SPATA33: variants seen among roughly 807,000 people sequenced by gnomAD.
The protein encoded by SPATA33 is spermatogenesis associated 33, also known as spermatogenesis-associated protein 33.
SPATA33 carries 10 observed loss-of-function variants against 8.9 expected under a neutral mutation model. That is an observed-to-expected ratio of 1.12 (90% CI 0.69 to 1.90). The LOEUF (loss-of-function observed/expected upper bound fraction) is 1.90, where lower values mean the gene tolerates loss of function less well. Ranked by LOEUF, SPATA33 falls within the 40% of genes most tolerant of loss-of-function variation. SPATA33 has a pLI of 0.00. For synonymous variants in SPATA33, 96 were observed against 72.8 expected (o/e 1.32, Z -1.63); for missense variants, 241 against 178.3 (o/e 1.35, Z -2.00).
chr16:89,658,142 C>T (rs542772990), intron 1 of SPATA33, 106 bp from the exon 2 acceptor site: 1 of 1,550,824 alleles, frequency 6.4e-7, no homozygotes, highest in Admixed American at 2.0e-5. Flanking sequence ...AGACTCGAGA[C>T]TTGAAGCCAG....
rs1024257632 is a variant in SPATA33 at position 89,660,926 on chromosome 16, G to C, written c.211+2505G>C. The C allele has an allele frequency of 1.3e-5, 13 of 1,029,364 alleles. No homozygotes were observed. The Admixed American group carries it at 2.9e-4, about 23-fold the overall frequency. 63.8% of individuals were successfully genotyped at this position (1,029,364 alleles called of 1,614,324 possible). On this transcript the variant is annotated intron_variant, in intron 2 of 2. Coordinates refer to ENST00000579310, the MANE Select transcript of SPATA33 (RefSeq NM_001271907.2). Reference sequence around the variant, plus strand: ...CTGGAACCTTGAGTCTTCTCAGCTTGGGGCATGCACCTCAGGGGGAGCCAG... The same window carrying C: ...CTGGAACCTTGAGTCTTCTCAGCTTCGGGCATGCACCTCAGGGGGAGCCAG...
At chr16:89,659,381 A>G (rs2151524455) in intron 2 of SPATA33, 1 of 152,506 alleles carries the variant, frequency 6.6e-6, no homozygotes, top group African/African-American at 2.4e-5. Context: ...CATCACAAGA[A>G]TGAACCACTC....
At chr16:89,662,223 A>G (rs1006850845) in intron 2 of SPATA33, among the ~76,000 whole-genome samples, 1 of 151,776 alleles carries the variant, frequency 6.6e-6, no homozygotes, top group Non-Finnish European at 1.5e-5. Context: ...GAACCCAGGA[A>G]GCAGAGGTTG....
chr16:89,665,941 G>T (rs2060019928), intron 2 of SPATA33, among the ~76,000 whole-genome samples: 1 of 152,064 alleles, frequency 6.6e-6, no homozygotes, highest in African/African-American at 2.4e-5. Flanking sequence ...TTAGCTAGGC[G>T]TGGTGATGGG....
chr16:89,660,694 C>A, intron 2 of SPATA33: 2 of 759,524 alleles, frequency 2.6e-6, no homozygotes, highest in Non-Finnish European at 3.6e-6. Context: ...GGCACATTTA[C>A]AGAGAGAAGC....
chr16:89,670,211 CAGTGCTCTGGGGG>C lies in SPATA33; in HGVS notation c.*717_*729del, dbSNP rs2060084730. On this transcript the variant is annotated 3_prime_UTR_variant, in exon 3 of 3. Transcript: ENST00000579310. ...CTTGAGAAACTGCAGCCCCCTTCTC[CAGTGCTCTGGGGG>C]AGGGTGCACCAGGCCTGCCCACCCT... 2.7e-5 allele frequency: 4 copies of C among 150,846 alleles called. No homozygotes were observed. The Admixed American group carries it at 2.7e-4, about 10-fold the overall frequency. The allele number at this position is 150,846 out of a possible 1,614,324, so 9.3% of individuals were successfully genotyped here.
intron 2 of SPATA33, chr16:89,659,841 C>G (rs957258424): frequency 2.6e-5 from 4 of 152,298 alleles, no homozygotes; most frequent in Non-Finnish European, 4.4e-5. Context: ...GGCTCTGGGC[C>G]TTGGACTTGG....
intron 2 of SPATA33, chr16:89,659,822 A>G (rs1191046413): frequency 6.6e-6 from 1 of 152,288 alleles, no homozygotes; most frequent in East Asian, 1.9e-4. Flanking sequence ...TCAAGGGCTG[A>G]AAGTAGGAGG....
At chr16:89,658,133 G>T in intron 1 of SPATA33, 115 bp from the exon 2 acceptor site, 1 of 1,531,928 alleles carries the variant, frequency 6.5e-7, no homozygotes, top group South Asian at 1.3e-5. Flanking sequence ...GAAACGCGGA[G>T]ACTCGAGACT....
intron 2 of SPATA33, among the ~76,000 whole-genome samples, chr16:89,664,459 C>T (rs1306857760): frequency 1.3e-5 from 2 of 152,196 alleles, no homozygotes; most frequent in African/African-American, 4.8e-5. Flanking sequence ...CTGCGATTAG[C>T]TCACTCATCC....
intron 2 of SPATA33, chr16:89,661,054 G>T (rs2059959829): frequency 1.0e-6 from 1 of 987,336 alleles, no homozygotes; most frequent in African/African-American, 1.7e-5. Flanking sequence ...TGCCAAACGT[G>T]TCCTGAACCC....
Position 89,660,820 on chromosome 16 carries a change from T to A in SPATA33, c.211+2399T>A, listed in dbSNP as rs192585951. The A allele has an allele frequency of 3.1e-4, 344 of 1,124,956 alleles. 2 individuals carry two copies. Among genetic ancestry groups the A allele is most frequent in the Middle Eastern group, 6.8e-4 (2 of 2,928 alleles). 69.7% of individuals were successfully genotyped at this position (1,124,956 alleles called of 1,614,324 possible). A position where few individuals can be genotyped will look rare whatever the true frequency, so the allele number is the denominator to read the frequency against. On this transcript the variant is annotated intron_variant, in intron 2 of 2. Transcript: ENST00000579310. ...TCTGAACATGGGAAGCACTGCAGTT[T>A]AGTAGTCCTGGTCCCTAAGCCCTTC...
rs764196545 is a variant in SPATA33, at chr16:89,669,279, C to T, written c.212-7C>T. ...TCTACTAAATGCCTGGATGTTTTTT[C>T]CTCTAGAGAAACCTGATGTAAAGCA... On this transcript the variant is annotated splice_region_variant and splice_polypyrimidine_tract_variant and intron_variant, in intron 2 of 2. Coordinates refer to ENST00000579310, the MANE Select transcript of SPATA33 (RefSeq NM_001271907.2). 8.7e-6 allele frequency: 14 copies of T among 1,613,860 alleles called. No individual in the cohort carries two copies. In the Admixed American group the frequency reaches 1.2e-4, roughly 13 times the overall value.
chr16:89,657,905 C>T lies in SPATA33; in HGVS notation c.-7C>T, dbSNP rs11545432. 2.0e-6 allele frequency: 3 copies of T among 1,517,112 alleles called. No individual in the cohort carries two copies. Among genetic ancestry groups the T allele is most frequent in the East Asian group, 2.6e-5 (1 of 38,120 alleles). 94.0% of individuals were successfully genotyped at this position (1,517,112 alleles called of 1,614,324 possible). On this transcript the variant is annotated 5_prime_UTR_variant, in exon 1 of 3. Transcript: ENST00000579310. ...GGCTTGCGTCGGAGGGGGCGGTGGG[C>T]TCACCCATGGGCCTTTCCAAAAGCA... is the stretch of plus-strand genomic sequence containing the variant.
chr16:89,657,805 G>T (rs142356394), upstream of SPATA33: 548 of 1,489,930 alleles, frequency 3.7e-4, 1 homozygote, highest in Non-Finnish European at 4.7e-4. Flanking sequence ...GGTCGCCATG[G>T]TGACGCACGC....
chr16:89,668,942 ATG>A (rs1386336657), intron 2 of SPATA33, among the ~76,000 whole-genome samples: 1 of 152,158 alleles, frequency 6.6e-6, no homozygotes, highest in African/African-American at 2.4e-5. Flanking sequence ...AGTGGAAATG[ATG>A]TCTCTGAACC....
upstream of SPATA33, chr16:89,657,825 G>C: frequency 3.3e-6 from 5 of 1,512,006 alleles, no homozygotes; most frequent in South Asian, 2.5e-5. Context: ...CCGCTGGCGC[G>C]AGGACCTTTT....
intron 2 of SPATA33, among the ~76,000 whole-genome samples, chr16:89,665,461 C>T (rs964706768): frequency 1.2e-4 from 18 of 150,346 alleles, no homozygotes; most frequent in African/African-American, 4.8e-5. Flanking sequence ...CCTGCCACCA[C>T]GCCTGGCTAA....
intron 2 of SPATA33, among the ~76,000 whole-genome samples, chr16:89,662,799 G>GT (rs1367362604): frequency 1.4e-5 from 2 of 148,118 alleles, no homozygotes; most frequent in Non-Finnish European, 3.0e-5. Context: ...ACGTTTTGTT[G>GT]TTTGTTTGTT....
Sources: allele counts gnomAD v4.1 joint callset (sites outside exome capture counted in the v4.1 genomes callset), GRCh38; gene constraint gnomAD v4.1.1; transcripts MANE v1.5; gene names NCBI Gene and HGNC (gene_info 2026-07-23, HGNC 2026-07-21).